The following CSMD3 variants were observed in gnomAD, a reference collection of about 807,000 sequenced individuals.
CSMD3 encodes the protein CUB and Sushi multiple domains 3.
A neutral mutation model predicts 435.2 loss-of-function variants in CSMD3; 177 were observed. The ratio of observed to expected loss-of-function variants is 0.41; its 90% CI spans 0.36 to 0.46. The LOEUF (loss-of-function observed/expected upper bound fraction) is 0.46. CSMD3 is among the 20% of genes least tolerant of loss of function. The pLI is 0.34. For missense variants in CSMD3, 4,265 were observed against 4,504.6 expected (o/e 0.95, Z 1.52); for synonymous variants, 1,656 against 1,520.5 (o/e 1.09, Z -2.07).
chr8:112,600,162 A>G (rs1832198928), intron 22 of CSMD3, among the ~76,000 whole-genome samples: 1 of 152,178 alleles, frequency 6.6e-6, no homozygotes, highest in Non-Finnish European at 1.5e-5. Flanking sequence ...TTTAAATATA[A>G]TAACTCAAGA....
chr8:113,095,613 T>C (rs1222937604), intron 5 of CSMD3, among the ~76,000 whole-genome samples: 2 of 152,144 alleles, frequency 1.3e-5, no homozygotes, highest in African/African-American at 4.8e-5. Flanking sequence ...CAATCTTATA[T>C]GTCTGTGGGA....
chr8:112,964,303 T>TA (rs1369288443), intron 7 of CSMD3, among the ~76,000 whole-genome samples: 1 of 151,982 alleles, frequency 6.6e-6, no homozygotes, highest in Non-Finnish European at 1.5e-5. Flanking sequence ...TAGAAAACCA[T>TA]AAATAGATGC....
At position 112,254,239 on chromosome 8, in the gene CSMD3, G is replaced by A. The variant is rs1459898173; in HGVS notation, c.10110+14C>T. The A allele has an allele frequency of 1.9e-6, 3 of 1,597,332 alleles. No individual in the cohort carries two copies. Among genetic ancestry groups the A allele is most frequent in the Non-Finnish European group, 1.7e-6 (2 of 1,165,080 alleles). On this transcript the variant is annotated intron_variant, in intron 63 of 70. Transcript: ENST00000297405. ...CCTAGTATGATGCTAAATGGACATA[G>A]CTAAAGTACCCACTTGAAATCCGAA...
At chr8:112,438,853 C>A (rs914408765) in intron 32 of CSMD3, among the ~76,000 whole-genome samples, 1 of 152,142 alleles carries the variant, frequency 6.6e-6, no homozygotes. Context: ...GTGTAATAAG[C>A]TTTTACACCA....
At chr8:113,243,957 A>G (rs964885106) in intron 3 of CSMD3, among the ~76,000 whole-genome samples, 4 of 152,036 alleles carry the variant, frequency 2.6e-5, no homozygotes, top group South Asian at 4.2e-4. Context: ...ATTTATTTGT[A>G]ATTTTATTTT....
rs535139183 is a variant in CSMD3 at position 112,967,097 on chromosome 8, G to A, written c.1342+8740C>T. On this transcript the variant is annotated intron_variant, in intron 7 of 70. Transcript: ENST00000297405. ...TCCAACTCCAATTCCATCAAGTCAT[G>A]ATCTGCATTTGAACAAGACTACTAG... is the stretch of plus-strand genomic sequence containing the variant. Among the ~76,000 whole-genome samples, 22 of 151,848 alleles carry A rather than the reference G, an allele frequency of 1.4e-4. 1 individual carries two copies. Among genetic ancestry groups the A allele is most frequent in the South Asian group, 4.1e-4 (2 of 4,820 alleles).
chr8:113,016,924 G>A (rs1052464590), intron 6 of CSMD3, among the ~76,000 whole-genome samples: 6 of 151,808 alleles, frequency 4.0e-5, no homozygotes, highest in Non-Finnish European at 7.4e-5. Context: ...TTGAATGTAT[G>A]CTGTTGAGGT....
At chr8:113,424,616 G>A (rs950794380) in intron 1 of CSMD3, among the ~76,000 whole-genome samples, 2 of 150,988 alleles carry the variant, frequency 1.3e-5, no homozygotes, top group Non-Finnish European at 3.0e-5. Flanking sequence ...AGCACAGTTT[G>A]GTGATCACAA....
At chr8:112,664,547 G>T (rs1462583621) in intron 17 of CSMD3, among the ~76,000 whole-genome samples, 1 of 152,268 alleles carries the variant, frequency 6.6e-6, no homozygotes, top group East Asian at 1.9e-4. Flanking sequence ...GAATGTAAAT[G>T]AAAATTTTTA....
chr8:112,290,370 G>A (rs907638807), intron 56 of CSMD3, among the ~76,000 whole-genome samples: 8 of 151,872 alleles, frequency 5.3e-5, no homozygotes, highest in Non-Finnish European at 1.0e-4. Context: ...ACATATGAGA[G>A]CTCAGAACAC....
intron 2 of CSMD3, among the ~76,000 whole-genome samples, chr8:113,287,649 G>T (rs2093656696): frequency 6.6e-6 from 1 of 151,994 alleles, no homozygotes; most frequent in Non-Finnish European, 1.5e-5. Context: ...GTAAATATTT[G>T]TCAGTGAAGC....
chr8:112,890,024 G>T lies in CSMD3; in HGVS notation c.1634-30758C>A, dbSNP rs562846557. ...TTTTTATGTGTAATATATGTGAAAT[G>T]AATATAGTTTTAAGAAAACACAGAA... On this transcript the variant is annotated intron_variant, in intron 10 of 70. Transcript: ENST00000297405. Among the ~76,000 whole-genome samples, 11 of 151,682 alleles carry T rather than the reference G, an allele frequency of 7.3e-5. No homozygotes were observed. The South Asian group carries it at 1.7e-3, about 23-fold the overall frequency.
chr8:112,752,940 T>C (rs1306295947), intron 13 of CSMD3, among the ~76,000 whole-genome samples: 1 of 141,556 alleles, frequency 7.1e-6, no homozygotes, highest in African/African-American at 2.6e-5. Context: ...TGTGTGTGTG[T>C]ACAGAGATAG....
At chr8:112,467,824 T>G (rs1818113992) in intron 32 of CSMD3, among the ~76,000 whole-genome samples, 1 of 152,094 alleles carries the variant, frequency 6.6e-6, no homozygotes, top group Non-Finnish European at 1.5e-5. Context: ...CCTCAAGGCT[T>G]GCTGGGAGTC....
At chr8:113,155,237 C>A (rs1288700009) in intron 4 of CSMD3, among the ~76,000 whole-genome samples, 1 of 151,906 alleles carries the variant, frequency 6.6e-6, no homozygotes, top group African/African-American at 2.4e-5. Flanking sequence ...CCCTAATCAA[C>A]AATTCTGTTA....
chr8:112,254,182 T>C (rs1815562069), intron 63 of CSMD3, 71 bp downstream of exon 63: 1 of 1,014,038 alleles, frequency 9.9e-7, no homozygotes, highest in South Asian at 1.3e-5. Context: ...GTCAACAAGA[T>C]TATATGCATA....
chr8:112,542,345 GA>G (rs200297769), intron 27 of CSMD3, among the ~76,000 whole-genome samples: 5,905 of 83,332 alleles, frequency 0.071, 226 homozygotes, highest in East Asian at 0.19. Context: ...CCTCCAAAAT[GA>G]AAAAAAAAAA....
intron 32 of CSMD3, among the ~76,000 whole-genome samples, chr8:112,423,027 T>C (rs1400113457): frequency 2.0e-5 from 3 of 152,184 alleles, no homozygotes; most frequent in African/African-American, 4.8e-5. Flanking sequence ...AAAGGAGTTA[T>C]TGAAATAAAT....
rs62516517 is a variant in CSMD3, at chr8:112,638,341, G to A, written c.3526+355C>T. Among the ~76,000 whole-genome samples, 664 of 150,886 alleles carry A rather than the reference G, an allele frequency of 4.4e-3. 2 individuals carry two copies. Among genetic ancestry groups the A allele is most frequent in the Non-Finnish European group, 7.2e-3 (488 of 67,642 alleles). ...TCTCATTTCATTTTTGAGTTTAACTGAAACTTTAAAATATATATTTTAATT... is the reference window on the plus strand; with the variant it reads ...TCTCATTTCATTTTTGAGTTTAACTAAAACTTTAAAATATATATTTTAATT... On this transcript the variant is annotated intron_variant, in intron 21 of 70. Transcript: ENST00000297405.
Sources: allele counts gnomAD v4.1 joint callset (sites outside exome capture counted in the v4.1 genomes callset), GRCh38; gene constraint gnomAD v4.1.1; transcripts MANE v1.5; gene names NCBI Gene and HGNC (gene_info 2026-07-23, HGNC 2026-07-21).